STK3: variants seen among roughly 807,000 people sequenced by gnomAD.
STK3 encodes serine/threonine-protein kinase 3.
Under a neutral mutation model 58.0 loss-of-function variants are expected in STK3, and 41 were observed. The ratio of observed to expected loss-of-function variants is 0.71; its 90% CI spans 0.55 to 0.92. STK3 has a LOEUF of 0.92. STK3 is among the 40% of genes least tolerant of loss of function. The probability of loss-of-function intolerance (pLI) is 0.00; values close to 1 mark genes in which losing one functional copy is unlikely to be tolerated. For synonymous variants in STK3, 170 were observed against 191.0 expected (o/e 0.89, Z 0.91); for missense variants, 479 against 602.7 (o/e 0.79, Z 2.15).
intron 6 of STK3, among the ~76,000 whole-genome samples, chr8:98,676,946 C>T (rs1237119998): frequency 6.6e-6 from 1 of 152,178 alleles, no homozygotes; most frequent in Non-Finnish European, 1.5e-5. Flanking sequence ...CACCCCTAAA[C>T]CAATTATTGC....
chr8:98,608,972 G>A lies in STK3; in HGVS notation c.685-12803C>T, dbSNP rs1816970800. ...TTTGTATATCAGTGAACTTGGTTAAGTCCATCCTATGAGACAGTTCTATAT... is the reference window on the plus strand; with the variant it reads ...TTTGTATATCAGTGAACTTGGTTAAATCCATCCTATGAGACAGTTCTATAT... On this transcript the variant is annotated intron_variant, in intron 6 of 10. Transcript: ENST00000419617. Among the ~76,000 whole-genome samples, 2 of 152,174 alleles carry A rather than the reference G, an allele frequency of 1.3e-5. 1 individual carries two copies. Among genetic ancestry groups the A allele is most frequent in the South Asian group, 4.1e-4 (2 of 4,834 alleles).
At chr8:98,516,131 C>A (rs961795393) in intron 10 of STK3, among the ~76,000 whole-genome samples, 1 of 152,042 alleles carries the variant, frequency 6.6e-6, no homozygotes, top group Non-Finnish European at 1.5e-5. Flanking sequence ...GCTGAAGTTT[C>A]CAACTTAAAA....
intron 3 of STK3, among the ~76,000 whole-genome samples, chr8:98,834,918 G>A (rs1268831599): frequency 3.3e-5 from 5 of 152,226 alleles, no homozygotes; most frequent in Non-Finnish European, 5.9e-5. Flanking sequence ...TACAAGTGGG[G>A]TGTAAGGAAA....
At chr8:98,845,108 A>G (rs747784135) in intron 3 of STK3, among the ~76,000 whole-genome samples, 1 of 152,186 alleles carries the variant, frequency 6.6e-6, no homozygotes. Context: ...CTATGGCTAC[A>G]TCATGGCCCT....
At chr8:98,473,362 CTT>C (rs756648160) in intron 10 of STK3, among the ~76,000 whole-genome samples, 1 of 152,258 alleles carries the variant, frequency 6.6e-6, no homozygotes, top group African/African-American at 2.4e-5. Flanking sequence ...TTCAAACTCT[CTT>C]TGTCTTTAGC....
chr8:98,370,342 AGTGTGTGTGTGTGT>A (rs35062643), downstream of STK3, among the ~76,000 whole-genome samples: 7 of 138,624 alleles, frequency 5.0e-5, no homozygotes, highest in East Asian at 2.1e-4. Flanking sequence ...TGACCTCTGC[AGTGTGTGTGTGTGT>A]GTGTGTGTGT....
chr8:98,677,014 T>A (rs1281959041), intron 6 of STK3, among the ~76,000 whole-genome samples: 1 of 152,202 alleles, frequency 6.6e-6, no homozygotes, highest in Non-Finnish European at 1.5e-5. Context: ...GGCAACCATA[T>A]AAAATGCTTG....
At chr8:98,469,805 G>A (rs1169370973) in intron 10 of STK3, among the ~76,000 whole-genome samples, 2 of 152,208 alleles carry the variant, frequency 1.3e-5, no homozygotes, top group Admixed American at 1.3e-4. Context: ...AAGACATATT[G>A]TTGGTTTACC....
intron 10 of STK3, among the ~76,000 whole-genome samples, chr8:98,467,549 TGTG>T (rs1820574185): frequency 3.3e-5 from 1 of 30,354 alleles, no homozygotes; most frequent in Admixed American, 5.1e-4. Context: ...ATTTAAAAAA[TGTG>T]TGTGTGTGTG....
intron 1 of STK3, among the ~76,000 whole-genome samples, chr8:98,804,703 C>T (rs1305154219): frequency 6.6e-6 from 1 of 152,164 alleles, no homozygotes; most frequent in Non-Finnish European, 1.5e-5. Flanking sequence ...TTCTCTTCTC[C>T]CAGTGCTATA....
chr8:98,692,673 T>C (rs1239137935), intron 6 of STK3, among the ~76,000 whole-genome samples: 3 of 152,280 alleles, frequency 2.0e-5, no homozygotes, highest in Admixed American at 6.5e-5. Context: ...AAATGTACTT[T>C]ATGGCAATGA....
Position 98,706,503 on chromosome 8 carries a change from T to A in STK3, c.648A>T (p.Glu216Asp), listed in dbSNP as rs1405273639. The A allele has an allele frequency of 6.2e-7, 1 of 1,613,626 alleles. No homozygotes were observed. Among genetic ancestry groups the A allele is most frequent in the East Asian group, 2.2e-5 (1 of 44,856 alleles). The stretch of plus-strand genomic sequence containing the variant: ...GTATATCAGCATAAGGAGGTTTTCC[T>A]TCAGCCATTTCTATAGAAGTAATGC... ...SLGITSIEMA[E>D]GKPPYADIHP... is the part of the protein sequence containing the mutation. Residue 216 changes from glutamate (E) to aspartate (D), a missense_variant, in exon 6 of 11, where the codon GAA becomes GAT. Physicochemically the swap from Glu to Asp is conservative, Grantham distance 45. Coordinates refer to ENST00000419617, the MANE Select transcript of STK3 (RefSeq NM_006281.4).
intron 3 of STK3, among the ~76,000 whole-genome samples, chr8:98,831,610 T>C (rs1835537268): frequency 6.6e-6 from 1 of 152,236 alleles, no homozygotes; most frequent in African/African-American, 2.4e-5. Flanking sequence ...TTAATTAATC[T>C]TTTCTGCTAT....
At chr8:98,750,913 T>C (rs185482902) in intron 3 of STK3, among the ~76,000 whole-genome samples, 2 of 152,208 alleles carry the variant, frequency 1.3e-5, no homozygotes, top group Non-Finnish European at 2.9e-5. Flanking sequence ...CACAGTCAAG[T>C]AGGCTTTCTC....
intron 6 of STK3, chr8:98,597,368 C>G (rs893818478): frequency 1.0e-6 from 1 of 984,830 alleles, no homozygotes; most frequent in Non-Finnish European, 1.2e-6. Flanking sequence ...TTTCAAAAAA[C>G]GTAAATTCTT....
rs534666244 is a variant in STK3, at chr8:98,535,225, T to A, written c.1142-8308A>T. 4.6e-5 allele frequency among the ~76,000 whole-genome samples: 7 copies of A among 152,310 alleles called. No homozygotes were observed. In the East Asian group the frequency reaches 1.4e-3, roughly 29 times the overall value. On this transcript the variant is annotated intron_variant, in intron 9 of 10. Transcript: ENST00000419617. ...AACCACCATTATCAACTGCATTTGA[T>A]AATGAAAAGAAAGGTTTCACTGAAG...
chr8:98,599,490 G>C lies in STK3; in HGVS notation c.685-3321C>G, dbSNP rs966212286. ...GGAGGTTGAACTGGATGTTTATCAGGTCCCGTACTGGGTATAAAAAGACCC... is the reference window on the plus strand; with the variant it reads ...GGAGGTTGAACTGGATGTTTATCAGCTCCCGTACTGGGTATAAAAAGACCC... On this transcript the variant is annotated intron_variant, in intron 6 of 10. Coordinates refer to ENST00000419617, the MANE Select transcript of STK3 (RefSeq NM_006281.4). 2.0e-5 allele frequency among the ~76,000 whole-genome samples: 3 copies of C among 151,744 alleles called. No homozygotes were observed. The East Asian group carries it at 5.8e-4, about 29-fold the overall frequency.
chr8:98,823,109 A>G (rs1756303513), intron 1 of STK3, among the ~76,000 whole-genome samples: 1 of 152,240 alleles, frequency 6.6e-6, no homozygotes, highest in Non-Finnish European at 1.5e-5. Flanking sequence ...TTTATGGGGT[A>G]GTACTCTTGA....
chr8:98,694,705 A>T (rs1195825002), intron 6 of STK3, among the ~76,000 whole-genome samples: 1 of 152,164 alleles, frequency 6.6e-6, no homozygotes, highest in Non-Finnish European at 1.5e-5. Context: ...GCTGCATATC[A>T]TTCCATGGTG....
Sources: gnomAD v4.1 joint callset for allele counts (sites outside exome capture counted in the v4.1 genomes callset) on GRCh38, gnomAD v4.1.1 for gene constraint, MANE v1.5 for transcripts, NCBI Gene and HGNC (gene_info 2026-07-23, HGNC 2026-07-21) for gene names.